SCGN: variants seen among roughly 807,000 people sequenced by gnomAD.
SCGN encodes secretagogin.
A neutral mutation model predicts 39.7 loss-of-function variants in SCGN; 30 were observed. The observed-to-expected ratio is 0.76, with a 90% CI of 0.57 to 1.03. The LOEUF (loss-of-function observed/expected upper bound fraction) is 1.03. SCGN is among the 50% of genes least tolerant of loss of function. SCGN has a pLI of 0.00. For missense variants in SCGN, 353 were observed against 349.4 expected (o/e 1.01, Z -0.08); for synonymous variants, 106 against 114.1 (o/e 0.93, Z 0.45).
chr6:25,698,499 G>A (rs1475527958), intron 10 of SCGN, among the ~76,000 whole-genome samples: 3 of 152,202 alleles, frequency 2.0e-5, no homozygotes, highest in Non-Finnish European at 1.5e-5. Flanking sequence ...TCCTGGGGCC[G>A]TTTAGTGGAG....
chr6:25,668,256 C>G (rs1234948355), intron 4 of SCGN, among the ~76,000 whole-genome samples: 1 of 151,264 alleles, frequency 6.6e-6, no homozygotes, highest in African/African-American at 2.4e-5. Context: ...TCATTTTGTA[C>G]AAGAGTTAAT....
intron 4 of SCGN, among the ~76,000 whole-genome samples, chr6:25,668,296 A>G (rs563757727): frequency 5.3e-5 from 8 of 152,240 alleles, no homozygotes; most frequent in African/African-American, 1.9e-4. Flanking sequence ...AGGCTTGTCC[A>G]TGGAATAATC....
At chr6:25,682,034 A>C (rs3765236) in intron 7 of SCGN, 28 bp downstream of exon 7, 672,446 of 1,536,410 alleles carry the variant, frequency 0.44, 152,527 homozygotes, top group Non-Finnish European at 0.47. Flanking sequence ...GATATCATAC[A>C]TTCAGAAATA....
Position 25,661,547 on chromosome 6 carries a change from T to C in SCGN, c.154-5T>C, listed in dbSNP as rs967386914. 1.9e-6 allele frequency: 3 copies of C among 1,610,246 alleles called. No individual in the cohort carries two copies. The highest frequency in any genetic ancestry group is 2.7e-5 in the African/African-American group (2 of 74,846). On this transcript the variant is annotated splice_region_variant and splice_polypyrimidine_tract_variant and intron_variant, in intron 2 of 10. Transcript: ENST00000377961. ...TTTAATGTGGCTCTGTTTGGTCAAT[T>C]GCAGGACACGGTCATGAAAGCAAAT...
intron 10 of SCGN, among the ~76,000 whole-genome samples, chr6:25,696,192 C>G (rs931019214): frequency 6.6e-6 from 1 of 152,160 alleles, no homozygotes. Context: ...GCAAAAATGT[C>G]TCTTTTCACT....
chr6:25,671,780 C>T (rs1349237782), intron 6 of SCGN, among the ~76,000 whole-genome samples: 1 of 151,832 alleles, frequency 6.6e-6, no homozygotes, highest in African/African-American at 2.4e-5. Context: ...ACAGAAACTG[C>T]CTGGGGTACA....
chr6:25,669,568 G>T lies in SCGN; in HGVS notation c.393+1G>T. The T allele has an allele frequency of 6.2e-7, 1 of 1,612,312 alleles. No individual in the cohort carries two copies. Among genetic ancestry groups the T allele is most frequent in the Non-Finnish European group, 8.5e-7 (1 of 1,178,346 alleles). ...CTTTATATCAGCTGCTGAGCTCCGC[G>T]TGAGTGTCACTGGGTGAAGGGTGGG... is the stretch of plus-strand genomic sequence containing the variant. On this transcript the variant is annotated splice_donor_variant, in intron 5 of 10. Coordinates refer to ENST00000377961, the MANE Select transcript of SCGN (RefSeq NM_006998.4). LOFTEE classifies it high-confidence loss of function.
At chr6:25,662,656 G>A (rs1231138739) in intron 3 of SCGN, among the ~76,000 whole-genome samples, 1 of 152,120 alleles carries the variant, frequency 6.6e-6, no homozygotes, top group Non-Finnish European at 1.5e-5. Context: ...TAAAAAGTGG[G>A]CGTGTTCACC....
chr6:25,688,456 A>T (rs187544574), intron 7 of SCGN, among the ~76,000 whole-genome samples: 13 of 152,248 alleles, frequency 8.5e-5, no homozygotes, highest in African/African-American at 2.9e-4. Context: ...GGCTCTGTGT[A>T]TGTGTTAGGG....
intron 4 of SCGN, among the ~76,000 whole-genome samples, chr6:25,666,971 T>C (rs926544074): frequency 5.3e-5 from 8 of 152,134 alleles, no homozygotes; most frequent in African/African-American, 1.7e-4. Flanking sequence ...AAATAACAAA[T>C]AGACTGCCCA....
chr6:25,680,414 A>AT (rs1431178880), intron 6 of SCGN, among the ~76,000 whole-genome samples: 5 of 152,054 alleles, frequency 3.3e-5, no homozygotes, highest in Non-Finnish European at 1.5e-5. Flanking sequence ...TAGGCAAATG[A>AT]TTTTTTTCCT....
At chr6:25,670,813 C>T (rs1055546164) in intron 6 of SCGN, among the ~76,000 whole-genome samples, 5 of 152,188 alleles carry the variant, frequency 3.3e-5, no homozygotes, top group South Asian at 2.1e-4. Context: ...AACTCATCCT[C>T]ATGTTCTGTT....
At chr6:25,698,616 G>A (rs1328724861) in intron 10 of SCGN, among the ~76,000 whole-genome samples, 1 of 152,212 alleles carries the variant, frequency 6.6e-6, no homozygotes, top group East Asian at 1.9e-4. Context: ...GCAGCCTGCT[G>A]TTTTCAGGAC....
intron 6 of SCGN, among the ~76,000 whole-genome samples, chr6:25,681,686 G>C (rs1759638928): frequency 2.0e-5 from 3 of 152,184 alleles, no homozygotes. Context: ...ACATGAAGTA[G>C]AGCTGCCAGC....
At chr6:25,662,516 C>T (rs1760354037) in intron 3 of SCGN, among the ~76,000 whole-genome samples, 1 of 152,090 alleles carries the variant, frequency 6.6e-6, no homozygotes, top group Admixed American at 6.5e-5. Flanking sequence ...AGACATATTA[C>T]CTAACACTGG....
chr6:25,683,433 G>A (rs1437804430), intron 7 of SCGN, among the ~76,000 whole-genome samples: 3 of 152,192 alleles, frequency 2.0e-5, no homozygotes, highest in Admixed American at 2.0e-4. Flanking sequence ...GGTAGTGAGA[G>A]TTGAGGAGCC....
chr6:25,653,339 T>A (rs755325521), intron 1 of SCGN, 43 bp from the exon 2 acceptor site: 1 of 1,138,604 alleles, frequency 8.8e-7, no homozygotes, highest in Non-Finnish European at 1.3e-6. Context: ...GTCATGTGTT[T>A]TTTATATGTT....
intron 6 of SCGN, among the ~76,000 whole-genome samples, chr6:25,676,555 G>A (rs904226098): frequency 6.6e-6 from 1 of 152,142 alleles, no homozygotes; most frequent in Non-Finnish European, 1.5e-5. Flanking sequence ...TTTAACCCTG[G>A]TATGCATTTG....
At chr6:25,681,292 T>A (rs1476149071) in intron 6 of SCGN, among the ~76,000 whole-genome samples, 2 of 152,256 alleles carry the variant, frequency 1.3e-5, no homozygotes, top group Non-Finnish European at 2.9e-5. Context: ...CTATACCCTA[T>A]GAGAGTACCC....
Sources: gnomAD v4.1 joint callset for allele counts (sites outside exome capture counted in the v4.1 genomes callset) on GRCh38, gnomAD v4.1.1 for gene constraint, MANE v1.5 for transcripts, NCBI Gene and HGNC (gene_info 2026-07-23, HGNC 2026-07-21) for gene names.